The following ETF1 variants were observed in gnomAD, a reference collection of about 807,000 sequenced individuals.
The protein encoded by ETF1 is eukaryotic translation termination factor 1, also known as eukaryotic peptide chain release factor subunit 1.
Under a neutral mutation model 55.1 loss-of-function variants are expected in ETF1, and 4 were observed. That is an observed-to-expected ratio of 0.07 (90% confidence interval 0.04 to 0.17). The LOEUF is 0.17. Ranked by LOEUF, ETF1 falls within the 10% of genes least tolerant of loss-of-function variation. The pLI, the probability that ETF1 is intolerant of heterozygous loss-of-function variation, is 1.00. For missense variants in ETF1, 142 were observed against 523.6 expected, an observed-to-expected ratio of 0.27 and a Z score of 7.11; for synonymous variants, 157 against 182.3, an observed-to-expected ratio of 0.86 and a Z score of 1.12.
At chr5:138,509,252 G>C in intron 9 of ETF1, 1 of 839,548 alleles carries the variant, frequency 1.2e-6, no homozygotes, top group Non-Finnish European at 1.4e-6. Flanking sequence ...TATCTCATAC[G>C]GGAGGGTCAT....
chr5:138,511,375 T>C (rs571010645), intron 7 of ETF1, 100 bp downstream of exon 7: 3 of 1,523,954 alleles, frequency 2.0e-6, no homozygotes, highest in East Asian at 2.3e-5. Context: ...GTCTCATACA[T>C]ACAATCACGT....
In ETF1 at chr5:138,542,842, G is replaced by A; in HGVS notation, c.77C>T (p.Ala26Val). 6.2e-7 allele frequency: 1 copy of A among 1,612,906 alleles called. No homozygotes were observed. Among genetic ancestry groups the A allele is most frequent in the Non-Finnish European group, 8.5e-7 (1 of 1,179,814 alleles). Residue 26 changes from alanine to valine, a missense_variant, in exon 2 of 11, where the codon GCG becomes GTG. Physicochemically the swap from Ala to Val is moderately conservative, Grantham distance 64 (BLOSUM62 0). Coordinates refer to ENST00000360541, the MANE Select transcript of ETF1 (RefSeq NM_004730.4). The part of the protein sequence containing the change: ...KIKKLIKSLE[A>V]ARGNGTSMIS... Reference sequence around the variant, plus strand: ...CGGACGCGGCGCTCACCCGCGGGCCGCCTCCAAGCTCTTAATGAGCTTCTT... The same window carrying A: ...CGGACGCGGCGCTCACCCGCGGGCCACCTCCAAGCTCTTAATGAGCTTCTT...
chr5:138,510,981 A>C, intron 8 of ETF1, 64 bp downstream of exon 8: 2 of 1,574,904 alleles, frequency 1.3e-6, no homozygotes, highest in East Asian at 2.2e-5. Context: ...CATCCCTCCC[A>C]AATCTCCACC....
chr5:138,534,208 T>TC (rs1265303883), intron 2 of ETF1, among the ~76,000 whole-genome samples: 1 of 152,052 alleles, frequency 6.6e-6, no homozygotes, highest in Non-Finnish European at 1.5e-5. Context: ...TAGCTTTCTG[T>TC]CCCCCAGAGA....
chr5:138,512,259 T>TTATTTTATATATATATA (rs1554137513), intron 6 of ETF1, among the ~76,000 whole-genome samples: 9 of 15,796 alleles, frequency 5.7e-4, no homozygotes, highest in African/African-American at 2.6e-3. Flanking sequence ...TATATATATA[T>TTATTTTATATATATATA]TTTTTTTTTT....
chr5:138,506,710 T>G lies in ETF1; in HGVS notation c.*1595A>C, dbSNP rs1295800680. 1.3e-5 allele frequency: 2 copies of G among 152,552 alleles called. No homozygotes were observed. Among genetic ancestry groups the G allele is most frequent in the Non-Finnish European group, 2.9e-5 (2 of 68,014 alleles). The allele number at this position is 152,552 out of a possible 1,614,324, so 9.4% of individuals were successfully genotyped here. A position where few individuals can be genotyped will look rare whatever the true frequency, so the allele number is the denominator to read the frequency against. On this transcript the variant is annotated 3_prime_UTR_variant, in exon 11 of 11. Transcript: ENST00000360541. ...GAGTACAGTGTGAGAACCAGAAACT[T>G]TACATTTAAGACATACTCCCTTCAT...
chr5:138,536,751 G>A (rs1765951782), intron 2 of ETF1, among the ~76,000 whole-genome samples: 1 of 152,126 alleles, frequency 6.6e-6, no homozygotes, highest in African/African-American at 2.4e-5. Context: ...TTATAGCCCT[G>A]CTGCAAAGCT....
intron 2 of ETF1, among the ~76,000 whole-genome samples, chr5:138,536,614 T>C (rs1765943203): frequency 6.6e-6 from 1 of 152,158 alleles, no homozygotes; most frequent in African/African-American, 2.4e-5. Context: ...AAGGTTCTAT[T>C]CTGAGAGCCC....
Position 138,510,723 on chromosome 5 carries a change from A to AGGG in ETF1, c.1019-97_1019-95dup, listed in dbSNP as rs1409183791. On this transcript the variant is annotated intron_variant, in intron 8 of 10. Transcript: ENST00000360541. ...ATGAGGTTAGATGAGAAAAGGGCTC[A>AGGG]GGGACTCAATCTCTCAACATTTTTT... 17 of 1,510,380 alleles carry AGGG rather than the reference A, an allele frequency of 1.1e-5. No individual in the cohort carries two copies. In the African/African-American group the frequency reaches 2.2e-4, roughly 20 times the overall value. 93.6% of individuals were successfully genotyped at this position (1,510,380 alleles called of 1,614,324 possible).
chr5:138,538,667 A>AG (rs1334737086), intron 2 of ETF1, among the ~76,000 whole-genome samples: 4 of 151,890 alleles, frequency 2.6e-5, no homozygotes, highest in Non-Finnish European at 4.4e-5. Flanking sequence ...AACGATAGTG[A>AG]GGGAAAAAAA....
At chr5:138,514,320 G>T (rs1764928893) in intron 4 of ETF1, among the ~76,000 whole-genome samples, 1 of 152,206 alleles carries the variant, frequency 6.6e-6, no homozygotes, top group African/African-American at 2.4e-5. Flanking sequence ...ATGGGAGGCT[G>T]TGGCAGGCAG....
intron 2 of ETF1, among the ~76,000 whole-genome samples, chr5:138,529,043 G>A (rs1271009059): frequency 2.6e-5 from 4 of 151,968 alleles, no homozygotes; most frequent in Admixed American, 1.3e-4. Context: ...CAGGAGAATC[G>A]GCTTGAGCCT....
intron 2 of ETF1, among the ~76,000 whole-genome samples, chr5:138,529,031 A>G (rs552336560): frequency 1.3e-5 from 2 of 152,170 alleles, no homozygotes; most frequent in Admixed American, 1.3e-4. Flanking sequence ...TTGTAATCCC[A>G]GCAGGAGAAT....
intron 2 of ETF1, among the ~76,000 whole-genome samples, chr5:138,532,582 G>A (rs1443837769): frequency 1.3e-5 from 2 of 152,232 alleles, no homozygotes; most frequent in Admixed American, 6.5e-5. Flanking sequence ...ATGGGGAGGG[G>A]AGAGAGGTAA....
At chr5:138,508,615 G>A in intron 10 of ETF1, 54 bp downstream of exon 10, 1 of 1,605,710 alleles carries the variant, frequency 6.2e-7, no homozygotes, top group Middle Eastern at 2.0e-4. Context: ...TAGCCAGGAG[G>A]GACCTTGACC....
intron 4 of ETF1, among the ~76,000 whole-genome samples, chr5:138,516,310 T>C (rs111952397): frequency 1.3e-5 from 2 of 152,156 alleles, no homozygotes; most frequent in African/African-American, 4.8e-5. Flanking sequence ...TCACATTGCA[T>C]GCCTGTATCA....
intron 7 of ETF1, 128 bp from the exon 8 acceptor site, chr5:138,511,328 A>C: frequency 6.6e-7 from 1 of 1,507,524 alleles, no homozygotes; most frequent in Non-Finnish European, 8.8e-7. Flanking sequence ...GAGTTAATAA[A>C]AATACTAAAT....
chr5:138,529,958 G>T (rs1765627495), intron 2 of ETF1, among the ~76,000 whole-genome samples: 1 of 152,082 alleles, frequency 6.6e-6, no homozygotes, highest in Non-Finnish European at 1.5e-5. Context: ...GCCCAGGCTG[G>T]TCACGAACTC....
rs1163293970 is a variant in ETF1, at chr5:138,507,211, T to C, written c.*1094A>G. ...CCCTAATTTCTCATGTGAGAAGTGC[T>C]TGTAAGTCCCACATTTGAAACAGAT... On this transcript the variant is annotated 3_prime_UTR_variant, in exon 11 of 11. Transcript: ENST00000360541. The C allele has an allele frequency of 7.0e-6, 1 of 142,900 alleles. No individual in the cohort carries two copies. The highest frequency in any genetic ancestry group is 6.9e-5 in the Admixed American group (1 of 14,432). 8.9% of individuals were successfully genotyped at this position (142,900 alleles called of 1,614,324 possible).
Sources: gnomAD v4.1 joint callset for allele counts (sites outside exome capture counted in the v4.1 genomes callset) on GRCh38, gnomAD v4.1.1 for gene constraint, MANE v1.5 for transcripts, NCBI Gene and HGNC (gene_info 2026-07-23, HGNC 2026-07-21) for gene names.